The following PSKH1 variants were observed in gnomAD, a reference collection of about 807,000 sequenced individuals.
PSKH1 encodes protein serine kinase H1.
A neutral mutation model predicts 26.7 loss-of-function variants in PSKH1; 12 were observed. That is an observed-to-expected ratio of 0.45 (90% CI 0.29 to 0.73). The LOEUF is 0.73. PSKH1 is among the 30% of genes least tolerant of loss of function. PSKH1 has a pLI of 0.11. For missense variants in PSKH1, 431 were observed against 595.2 expected (o/e 0.72, Z 2.87); for synonymous variants, 213 against 234.3 (o/e 0.91, Z 0.83).
rs760742184 is a variant in PSKH1, at chr16:67,927,510, G to A, written c.1143G>A (p.Ser381=). The change falls in exon 3 of 3, where the codon TCG becomes TCA. Residue 381 remains serine (S), a synonymous_variant. Transcript: ENST00000291041. This position sits in a 1 kb window ranked among gnomAD's most constrained non-coding sequence, Gnocchi z 5.5. The part of the protein sequence containing the change: ...ISQNLLKRAS[S]RCQSTKSAQS... ...AGAACCTCCTTAAACGTGCCTCCTCGCGCTGCCAGAGCACCAAATCTGCCC... is the reference window on the plus strand; with the variant it reads ...AGAACCTCCTTAAACGTGCCTCCTCACGCTGCCAGAGCACCAAATCTGCCC... 61 of 1,614,004 alleles carry A rather than the reference G, an allele frequency of 3.8e-5. No individual in the cohort carries two copies. Among genetic ancestry groups the A allele is most frequent in the Non-Finnish European group, 4.7e-5 (56 of 1,180,038 alleles).
Position 67,928,408 on chromosome 16 carries a change from C to T in PSKH1, c.*766C>T, listed in dbSNP as rs2058226084. The stretch of plus-strand genomic sequence containing the variant: ...CCCTTGGTGCCTTCTTTGTAGAGCC[C>T]ACCGCTACCTCCCTCTCCCCGTTGG... On this transcript the variant is annotated 3_prime_UTR_variant, in exon 3 of 3. Coordinates refer to ENST00000291041, the MANE Select transcript of PSKH1 (RefSeq NM_006742.3). This position sits in a 1 kb window ranked among gnomAD's most constrained non-coding sequence, Gnocchi z 4.8. The T allele has an allele frequency of 6.5e-6, 1 of 152,696 alleles. No homozygotes were observed. Among genetic ancestry groups the T allele is most frequent in the East Asian group, 1.9e-4 (1 of 5,190 alleles). The allele number at this position is 152,696 out of a possible 1,614,324, so 9.5% of individuals were successfully genotyped here. A position where few individuals can be genotyped will look rare whatever the true frequency, so the allele number is the denominator to read the frequency against.
At position 67,909,752 on chromosome 16, in the gene PSKH1, G is replaced by A. The variant is rs771286825; in HGVS notation, c.957+46G>A. On this transcript the variant is annotated intron_variant, in intron 2 of 2. Transcript: ENST00000291041. This position sits in a 1 kb window ranked among gnomAD's most constrained non-coding sequence, Gnocchi z 7.8. ...TCCTGGATGTTGGGGAGGCACCTGCGGGGGCAGGTATATCCTGCAGCTCTC... is the reference window on the plus strand; with the variant it reads ...TCCTGGATGTTGGGGAGGCACCTGCAGGGGCAGGTATATCCTGCAGCTCTC... 18 of 1,545,622 alleles carry A rather than the reference G, an allele frequency of 1.2e-5. No individual in the cohort carries two copies. The East Asian group carries it at 3.2e-4, about 27-fold the overall frequency.
chr16:67,917,892 GCACTGGAGTGGAGAGGGCA>G (rs2058191793), intron 2 of PSKH1, among the ~76,000 whole-genome samples: 1 of 152,234 alleles, frequency 6.6e-6, no homozygotes, highest in Non-Finnish European at 1.5e-5. Flanking sequence ...GCACCCAGAG[GCACTGGAGTGGAGAGGGCA>G]CGCTGGAGTG....
intron 2 of PSKH1, among the ~76,000 whole-genome samples, chr16:67,919,226 A>G (rs2058195605): frequency 6.6e-6 from 1 of 152,062 alleles, no homozygotes; most frequent in African/African-American, 2.4e-5. Flanking sequence ...ATTCTCCTGG[A>G]TGCTTTAATT....
intron 2 of PSKH1, among the ~76,000 whole-genome samples, chr16:67,925,405 G>C (rs569770654): frequency 6.6e-6 from 1 of 151,500 alleles, no homozygotes; most frequent in South Asian, 2.1e-4. Context: ...TGTTGGCCAG[G>C]ATGGTCTTGA....
intron 1 of PSKH1, among the ~76,000 whole-genome samples, chr16:67,901,915 T>C (rs931948436): frequency 6.6e-6 from 1 of 152,112 alleles, no homozygotes; most frequent in Non-Finnish European, 1.5e-5. Context: ...TGTAAACCAC[T>C]GCGCCCTGAT....
chr16:67,907,267 CT>C (rs961499299), intron 1 of PSKH1, among the ~76,000 whole-genome samples: 63 of 141,494 alleles, frequency 4.5e-4, no homozygotes, highest in Middle Eastern at 4.1e-3. Flanking sequence ...CTGGCCAACT[CT>C]TTTTTTTTTT....
intron 2 of PSKH1, among the ~76,000 whole-genome samples, chr16:67,921,628 C>T (rs972826824): frequency 2.0e-5 from 3 of 152,132 alleles, no homozygotes; most frequent in African/African-American, 4.8e-5. Context: ...AGGCTGGGCC[C>T]TGGGAACCAC....
intron 1 of PSKH1, among the ~76,000 whole-genome samples, chr16:67,903,633 C>T (rs1478388983): frequency 6.6e-6 from 1 of 151,866 alleles, no homozygotes; most frequent in African/African-American, 2.4e-5. Flanking sequence ...CAGTAAATGT[C>T]ACATGGATGG....
intron 1 of PSKH1, among the ~76,000 whole-genome samples, chr16:67,904,052 G>A (rs957271249): frequency 7.2e-6 from 1 of 139,478 alleles, no homozygotes; most frequent in African/African-American, 2.7e-5. Flanking sequence ...GTCTTGCTCT[G>A]TTGCCCAGGC....
intron 1 of PSKH1, among the ~76,000 whole-genome samples, chr16:67,902,255 A>G (rs533575853): frequency 6.6e-6 from 1 of 151,618 alleles, no homozygotes; most frequent in Admixed American, 6.6e-5. Flanking sequence ...GCGAGACTCC[A>G]TCTCAAAAAA....
At position 67,909,554 on chromosome 16, in the gene PSKH1, C is replaced by T. The variant is rs2058167249; in HGVS notation, c.805C>T (p.Leu269=). The T allele has an allele frequency of 6.2e-7, 1 of 1,613,804 alleles. No homozygotes were observed. The highest frequency in any genetic ancestry group is 1.1e-5 in the South Asian group (1 of 91,092). ...GCCTGAGTACATTGCCCCAGAAGTC[C>T]TGGTCCGCAAGCCATACACCAACTC... ...GTPEYIAPEV[L]VRKPYTNSVD... Residue 269 remains leucine, a synonymous_variant, in exon 2 of 3, where the codon CTG becomes TTG. Transcript: ENST00000291041. This position sits in a 1 kb window ranked among gnomAD's most constrained non-coding sequence, Gnocchi z 7.8.
At chr16:67,911,908 G>T (rs898924810) in intron 2 of PSKH1, among the ~76,000 whole-genome samples, 1 of 152,242 alleles carries the variant, frequency 6.6e-6, no homozygotes, top group African/African-American at 2.4e-5. Flanking sequence ...TCCTGAGGCT[G>T]ACTCTGTCAC....
At chr16:67,893,701 C>T (rs769933963) in intron 1 of PSKH1, among the ~76,000 whole-genome samples, 10 of 152,234 alleles carry the variant, frequency 6.6e-5, no homozygotes, top group Middle Eastern at 3.2e-3. Flanking sequence ...TTGATCCAAC[C>T]TGGTTGTCCT....
At chr16:67,915,825 T>G (rs1337613770) in intron 2 of PSKH1, among the ~76,000 whole-genome samples, 1 of 152,148 alleles carries the variant, frequency 6.6e-6, no homozygotes, top group Non-Finnish European at 1.5e-5. Context: ...TTGTTATTGT[T>G]GTTCTCCTGG....
intron 2 of PSKH1, among the ~76,000 whole-genome samples, chr16:67,920,374 G>C (rs1308643757): frequency 6.6e-6 from 1 of 152,132 alleles, no homozygotes; most frequent in African/African-American, 2.4e-5. Flanking sequence ...CCATCTTCCT[G>C]CCTCAGCCTT....
chr16:67,908,985 G>A lies in PSKH1; in HGVS notation c.236G>A (p.Arg79His), dbSNP rs1341567923. The A allele has an allele frequency of 2.3e-5, 37 of 1,613,842 alleles. No homozygotes were observed. The Admixed American group carries it at 4.8e-4, about 21-fold the overall frequency. The change falls in exon 2 of 3, where the codon CGC (arginine) becomes CAC (histidine). Residue 79 changes from arginine to histidine, a missense_variant. Arg to His is a conservative substitution (Grantham distance 29). Transcript: ENST00000291041. ...GHTEPPSEPP[R>H]RARVAKYRAK... is the part of the protein sequence containing the mutation. ...ACGGAGCCTCCCTCAGAACCACCAC[G>A]CAGGGCCAGGGTAGCTAAGTACAGG...
At chr16:67,925,139 T>C (rs1234529352) in intron 2 of PSKH1, among the ~76,000 whole-genome samples, 2 of 151,932 alleles carry the variant, frequency 1.3e-5, no homozygotes, top group Non-Finnish European at 2.9e-5. Context: ...CCAAAAGCTA[T>C]TGTGGCAGCT....
At chr16:67,907,769 A>G (rs1026749702) in intron 1 of PSKH1, among the ~76,000 whole-genome samples, 8 of 152,128 alleles carry the variant, frequency 5.3e-5, no homozygotes, top group Non-Finnish European at 1.2e-4. Context: ...GCATTAGCAA[A>G]GGAGTGGAAG....
Sources: gnomAD v4.1 joint callset for allele counts (sites outside exome capture counted in the v4.1 genomes callset) on GRCh38, gnomAD v4.1.1 for gene constraint, Gnocchi (gnomAD v3.1) non-coding constraint, MANE v1.5 for transcripts, NCBI Gene and HGNC (gene_info 2026-07-23, HGNC 2026-07-21) for gene names.